AUTS2: variants seen among roughly 807,000 people sequenced by gnomAD.
The protein encoded by AUTS2 is activator of transcription and developmental regulator AUTS2.
A neutral mutation model predicts 112.4 loss-of-function variants in AUTS2; 17 were observed. That is an observed-to-expected ratio of 0.15 (90% CI 0.10 to 0.23). The LOEUF (loss-of-function observed/expected upper bound fraction) is 0.23, where lower values mean the gene tolerates loss of function less well. Ranked by LOEUF, AUTS2 falls within the 10% of genes least tolerant of loss-of-function variation. The probability of loss-of-function intolerance (pLI) is 1.00; values close to 1 mark genes in which losing one functional copy is unlikely to be tolerated. For synonymous variants in AUTS2, 751 were observed against 702.7 expected (o/e 1.07, Z -1.09); for missense variants, 1,510 against 1,701.6 (o/e 0.89, Z 1.98).
At chr7:70,481,656 C>T (rs13222337) in intron 5 of AUTS2, among the ~76,000 whole-genome samples, 20,877 of 152,112 alleles carry the variant, frequency 0.14, 1,454 homozygotes, top group Middle Eastern at 0.2. Flanking sequence ...TCTTCTCTGT[C>T]GGCCACATCA....
In AUTS2 at chr7:70,781,576, G is replaced by A. The variant is rs781454304; in HGVS notation, c.2005-39G>A. On this transcript the variant is annotated intron_variant, in intron 14 of 18. Transcript: ENST00000342771. Reference sequence around the variant, plus strand: ...TTCACTAACACCTTTATTCCTTGCTGTTGGCCTTGGGACCCTTACTGTTCC... The same window carrying A: ...TTCACTAACACCTTTATTCCTTGCTATTGGCCTTGGGACCCTTACTGTTCC... 6 of 1,610,164 alleles carry A rather than the reference G, an allele frequency of 3.7e-6. No homozygotes were observed. The Admixed American group carries it at 8.4e-5, about 23-fold the overall frequency.
At chr7:69,768,270 A>G (rs1186952968) in intron 1 of AUTS2, among the ~76,000 whole-genome samples, 1 of 152,224 alleles carries the variant, frequency 6.6e-6, no homozygotes, top group Non-Finnish European at 1.5e-5. Context: ...AATTCTTTCA[A>G]ATGAGCATAA....
intron 5 of AUTS2, among the ~76,000 whole-genome samples, chr7:70,467,049 T>C (rs1184552690): frequency 6.6e-6 from 1 of 152,228 alleles, no homozygotes; most frequent in Non-Finnish European, 1.5e-5. Flanking sequence ...AAAACAATTA[T>C]CTACTTCCTA....
chr7:69,627,086 G>C (rs535701214), intron 1 of AUTS2, among the ~76,000 whole-genome samples: 6 of 152,272 alleles, frequency 3.9e-5, no homozygotes, highest in East Asian at 1.9e-4. Context: ...TCATTCATTC[G>C]TCACTTTCTT....
At chr7:70,783,167 T>C (rs1298699975) in intron 15 of AUTS2, 2 of 152,226 alleles carry the variant, frequency 1.3e-5, no homozygotes, top group Non-Finnish European at 2.9e-5. Context: ...ATTAATTAGC[T>C]TGCACTACAC....
At chr7:69,904,327 C>G (rs534270212) in intron 2 of AUTS2, among the ~76,000 whole-genome samples, 2 of 152,270 alleles carry the variant, frequency 1.3e-5, no homozygotes, top group African/African-American at 2.4e-5. Flanking sequence ...TAGAAATTAA[C>G]TTGCAAAGGA....
At chr7:70,051,646 A>C (rs1177986293) in intron 2 of AUTS2, among the ~76,000 whole-genome samples, 1 of 152,026 alleles carries the variant, frequency 6.6e-6, no homozygotes, top group Non-Finnish European at 1.5e-5. Context: ...TTGAACCCGG[A>C]AGGTGAAGGT....
intron 1 of AUTS2, among the ~76,000 whole-genome samples, chr7:69,821,577 C>G (rs1790993274): frequency 6.6e-6 from 1 of 152,102 alleles, no homozygotes; most frequent in South Asian, 2.1e-4. Context: ...TGCTGCTGCT[C>G]ACTCTTAGGG....
intron 2 of AUTS2, among the ~76,000 whole-genome samples, chr7:70,075,633 A>C (rs1802991130): frequency 6.6e-6 from 1 of 152,208 alleles, no homozygotes; most frequent in Non-Finnish European, 1.5e-5. Context: ...CATGGCTAAA[A>C]GGCATTATCT....
intron 4 of AUTS2, among the ~76,000 whole-genome samples, chr7:70,142,410 C>T (rs1806914463): frequency 6.6e-6 from 1 of 152,234 alleles, no homozygotes; most frequent in Non-Finnish European, 1.5e-5. Context: ...GCTGGCCTCA[C>T]TGCCTTTCTT....
chr7:70,785,905 T>C (rs756863753), intron 16 of AUTS2, 50 bp from the exon 17 acceptor site: 49 of 1,580,998 alleles, frequency 3.1e-5, no homozygotes, highest in Non-Finnish European at 4.0e-5. Context: ...TCTGGGTTCC[T>C]CTCCCAGCAG....
intron 2 of AUTS2, among the ~76,000 whole-genome samples, chr7:70,050,120 G>A (rs142138927): frequency 0.014 from 2,190 of 151,948 alleles, 22 homozygotes; most frequent in Middle Eastern, 0.037. Flanking sequence ...ACTTTGGAAG[G>A]CTGAGGCAGG....
chr7:70,072,014 C>T (rs1802794499), intron 2 of AUTS2, among the ~76,000 whole-genome samples: 1 of 152,138 alleles, frequency 6.6e-6, no homozygotes, highest in Non-Finnish European at 1.5e-5. Flanking sequence ...AGGGAAAACT[C>T]TGCAGGCCCT....
At chr7:70,061,219 C>T (rs1802230752) in intron 2 of AUTS2, among the ~76,000 whole-genome samples, 2 of 152,102 alleles carry the variant, frequency 1.3e-5, no homozygotes, top group Admixed American at 6.5e-5. Context: ...ACAGTACTTT[C>T]TGGAAATGGT....
At chr7:69,609,381 C>T (rs748013349) in intron 1 of AUTS2, among the ~76,000 whole-genome samples, 2 of 152,216 alleles carry the variant, frequency 1.3e-5, no homozygotes, top group Non-Finnish European at 2.9e-5. Context: ...GCGCTCTCTC[C>T]CAGTGTATCA....
intron 5 of AUTS2, among the ~76,000 whole-genome samples, chr7:70,602,334 G>T (rs1332979034): frequency 6.6e-6 from 1 of 152,162 alleles, no homozygotes; most frequent in Non-Finnish European, 1.5e-5. Context: ...TCACCGGTTG[G>T]ACTGTAGCAT....
chr7:69,844,838 A>C (rs1327139682), intron 1 of AUTS2, among the ~76,000 whole-genome samples: 1 of 152,176 alleles, frequency 6.6e-6, no homozygotes, highest in Non-Finnish European at 1.5e-5. Flanking sequence ...GAATTGTGTT[A>C]CATACTACCT....
intron 3 of AUTS2, among the ~76,000 whole-genome samples, chr7:70,123,403 A>G (rs1407417654): frequency 1.3e-5 from 2 of 152,094 alleles, no homozygotes. Context: ...GAGTTTCATC[A>G]CCCAGTAGTA....
intron 5 of AUTS2, among the ~76,000 whole-genome samples, chr7:70,654,331 A>C (rs556207072): frequency 6.6e-6 from 1 of 152,310 alleles, no homozygotes; most frequent in East Asian, 1.9e-4. Context: ...CAACTACCCA[A>C]CTTCGCTATT....
Sources: allele counts gnomAD v4.1 joint callset (sites outside exome capture counted in the v4.1 genomes callset), GRCh38; gene constraint gnomAD v4.1.1; transcripts MANE v1.5; gene names NCBI Gene and HGNC (gene_info 2026-07-23, HGNC 2026-07-21).